Variants in GPHN observed in about 807,000 individuals in gnomAD.
GPHN encodes gephyrin.
A neutral mutation model predicts 95.5 loss-of-function variants in GPHN; 17 were observed. The ratio of observed to expected loss-of-function variants is 0.18; its 90% confidence interval spans 0.12 to 0.27. The LOEUF is 0.27. Ranked by LOEUF, GPHN falls within the 10% of genes least tolerant of loss-of-function variation. The pLI, the probability that GPHN is intolerant of heterozygous loss-of-function variation, is 1.00. For missense variants in GPHN, 660 were observed against 978.1 expected (o/e 0.67, Z 4.34); for synonymous variants, 320 against 322.5 (o/e 0.99, Z 0.08).
chr14:66,591,538 A>T (rs1229622497), intron 1 of GPHN, among the ~76,000 whole-genome samples: 2 of 152,212 alleles, frequency 1.3e-5, no homozygotes, highest in Non-Finnish European at 2.9e-5. Context: ...TGAAATCTTG[A>T]GTGAACTCCC....
At chr14:66,629,940 TAAG>T (rs2153337808) in intron 1 of GPHN, among the ~76,000 whole-genome samples, 1 of 152,330 alleles carries the variant, frequency 6.6e-6, no homozygotes, top group Admixed American at 6.5e-5. Context: ...AATTGCTTCC[TAAG>T]AAGATTAAAT....
chr14:67,476,633 C>A, the GPHN span, among the ~76,000 whole-genome samples: 1 of 152,060 alleles, frequency 6.6e-6, no homozygotes, highest in Non-Finnish European at 1.5e-5. Context: ...ATGTGAAGGT[C>A]AGAAAATTTT....
chr14:66,890,267 G>A (rs1844392760), intron 5 of GPHN, among the ~76,000 whole-genome samples: 1 of 152,048 alleles, frequency 6.6e-6, no homozygotes, highest in Admixed American at 6.6e-5. Context: ...AATTAGCCAG[G>A]TGTAGTGGCA....
At chr14:67,225,182 T>C in the GPHN span, 1 of 1,573,912 alleles carries the variant, frequency 6.4e-7, no homozygotes, top group Non-Finnish European at 8.6e-7. Context: ...TGTCTGCCCC[T>C]TTCTCAAGGG....
At chr14:66,817,577 G>A (rs1020740288) in intron 3 of GPHN, among the ~76,000 whole-genome samples, 1 of 152,118 alleles carries the variant, frequency 6.6e-6, no homozygotes, top group Non-Finnish European at 1.5e-5. Context: ...CACAAGTCTG[G>A]GCTTTCTGAG....
chr14:66,712,306 C>T (rs1178875539), intron 2 of GPHN, among the ~76,000 whole-genome samples: 1 of 152,156 alleles, frequency 6.6e-6, no homozygotes, highest in Non-Finnish European at 1.5e-5. Flanking sequence ...GATGGTATCT[C>T]CTTGTGGTTT....
chr14:66,962,094 C>A (rs565119490), intron 8 of GPHN, among the ~76,000 whole-genome samples: 1 of 150,272 alleles, frequency 6.7e-6, no homozygotes, highest in Non-Finnish European at 1.5e-5. Flanking sequence ...TTCCTTACCT[C>A]CAGTTTTTTT....
chr14:67,222,268 A>G, the GPHN span, among the ~76,000 whole-genome samples: 1 of 152,058 alleles, frequency 6.6e-6, no homozygotes, highest in Admixed American at 6.6e-5. Context: ...CTACCAGGTG[A>G]TACTATTTAA....
chr14:66,671,266 A>G (rs2066291981), intron 1 of GPHN, among the ~76,000 whole-genome samples: 1 of 152,232 alleles, frequency 6.6e-6, no homozygotes, highest in Non-Finnish European at 1.5e-5. Flanking sequence ...TGCATTACAG[A>G]TTAATCACTT....
intron 9 of GPHN, among the ~76,000 whole-genome samples, chr14:66,985,256 AC>A (rs1223251399): frequency 2.0e-5 from 3 of 152,134 alleles, no homozygotes; most frequent in Non-Finnish European, 4.4e-5. Context: ...TGATCTTTCC[AC>A]CTACAGAGCA....
chr14:67,630,829 T>G, the GPHN span, among the ~76,000 whole-genome samples: 1 of 152,184 alleles, frequency 6.6e-6, no homozygotes, highest in East Asian at 1.9e-4. Flanking sequence ...GTGATCCACC[T>G]GCCTTGGCCT....
intron 20 of GPHN, among the ~76,000 whole-genome samples, chr14:67,167,376 G>A (rs2082339997): frequency 1.3e-5 from 2 of 151,238 alleles, no homozygotes. Context: ...GTTGGTTTGG[G>A]GTTTTTTTGC....
At chr14:66,835,147 T>C (rs1387899743) in intron 4 of GPHN, among the ~76,000 whole-genome samples, 1 of 151,368 alleles carries the variant, frequency 6.6e-6, no homozygotes, top group Non-Finnish European at 1.5e-5. Context: ...CTTCTCTCTT[T>C]TTTTCTTTAT....
the GPHN span, among the ~76,000 whole-genome samples, chr14:67,262,813 C>T: frequency 6.6e-6 from 1 of 152,126 alleles, no homozygotes; most frequent in Non-Finnish European, 1.5e-5. Context: ...CTAGACTGGT[C>T]TTATTCTCCA....
At chr14:67,144,250 AATATATATATATATATATATATATAT>A (rs71129810) in intron 18 of GPHN, among the ~76,000 whole-genome samples, 2 of 57,772 alleles carry the variant, frequency 3.5e-5, no homozygotes, top group Non-Finnish European at 5.7e-5. Context: ...AAAAAAAAAA[AATATATATATATATATATATATATAT>A]ATATATATAT....
chr14:66,879,154 C>A (rs1383210985), intron 4 of GPHN, among the ~76,000 whole-genome samples: 1 of 151,902 alleles, frequency 6.6e-6, no homozygotes, highest in East Asian at 1.9e-4. Flanking sequence ...GGGATTTGAA[C>A]AATGAGAACA....
At chr14:67,558,463 T>C in the GPHN span, among the ~76,000 whole-genome samples, 1 of 152,184 alleles carries the variant, frequency 6.6e-6, no homozygotes, top group Non-Finnish European at 1.5e-5. Flanking sequence ...TTTTGACACA[T>C]GGAATCTCTG....
the GPHN span, chr14:67,620,804 C>T: frequency 7.5e-7 from 1 of 1,325,186 alleles, no homozygotes; most frequent in African/African-American, 1.5e-5. Flanking sequence ...CACAGGTTTT[C>T]AGAGGAACCT....
At chr14:67,405,888 C>T in the GPHN span, among the ~76,000 whole-genome samples, 1 of 152,184 alleles carries the variant, frequency 6.6e-6, no homozygotes, top group African/African-American at 2.4e-5. Flanking sequence ...TCACGAGAGA[C>T]CCTGAGCCAG....
Sources: allele counts gnomAD v4.1 joint callset (sites outside exome capture counted in the v4.1 genomes callset), GRCh38; gene constraint gnomAD v4.1.1; transcripts MANE v1.5; gene names NCBI Gene and HGNC (gene_info 2026-07-23, HGNC 2026-07-21).